Variants in SRP68 observed in about 807,000 individuals in gnomAD.
SRP68 encodes signal recognition particle 68.
In SRP68, 15 loss-of-function variants were observed where a neutral mutation model predicts 82.2. The ratio of observed to expected loss-of-function variants is 0.18; its 90% CI spans 0.12 to 0.28. The LOEUF (loss-of-function observed/expected upper bound fraction) is 0.28. Ranked by LOEUF, SRP68 falls within the 10% of genes least tolerant of loss-of-function variation. SRP68 has a pLI of 1.00. For synonymous variants in SRP68, 261 were observed against 292.6 expected (o/e 0.89, Z 1.10); for missense variants, 595 against 780.5 (o/e 0.76, Z 2.83).
intron 9 of SRP68, chr17:76,049,166 A>G (rs2066653453): frequency 6.6e-6 from 1 of 152,234 alleles, no homozygotes; most frequent in Non-Finnish European, 1.5e-5. Flanking sequence ...TTTAATTACC[A>G]CTGAACCATA....
At position 76,040,955 on chromosome 17, in the gene SRP68, G is replaced by C; in HGVS notation, c.1548C>G (p.Leu516=). Residue 516 remains leucine (L), a synonymous_variant, in exon 14 of 16, where the codon CTC becomes CTG. Coordinates refer to ENST00000307877, the MANE Select transcript of SRP68 (RefSeq NM_014230.4). Reference sequence around the variant, plus strand: ...ACTTCTCTGACCGCACTTGAGTGATGAGCTCTTGCACATCAGGCAGGTCCT... The same window carrying C: ...ACTTCTCTGACCGCACTTGAGTGATCAGCTCTTGCACATCAGGCAGGTCCT... ...SLKDLPDVQE[L]ITQVRSEKCS... 6.2e-7 allele frequency: 1 copy of C among 1,614,070 alleles called. No homozygotes were observed. The highest frequency in any genetic ancestry group is 1.7e-5 in the Admixed American group (1 of 60,016).
intron 1 of SRP68, among the ~76,000 whole-genome samples, chr17:76,070,750 G>A (rs776396432): frequency 2.3e-4 from 35 of 152,034 alleles, no homozygotes; most frequent in Admixed American, 2.3e-3. Context: ...GCTGAGGCAG[G>A]AGAATCGCTT....
At chr17:76,070,022 A>G (rs1456946000) in intron 2 of SRP68, among the ~76,000 whole-genome samples, 20 of 152,024 alleles carry the variant, frequency 1.3e-4, no homozygotes, top group Admixed American at 1.3e-3. Flanking sequence ...GGCTGCAGTG[A>G]GCCAGGATTG....
At chr17:76,047,729 C>A (rs1644595117) in intron 10 of SRP68, among the ~76,000 whole-genome samples, 177 bp downstream of exon 10, 1 of 150,638 alleles carries the variant, frequency 6.6e-6, no homozygotes, top group African/African-American at 2.5e-5. Flanking sequence ...ATTGAGGCTG[C>A]AGTGAGCTGA....
Position 76,061,188 on chromosome 17 carries a change from T to A in SRP68, c.676A>T (p.Thr226Ser). Residue 226 changes from threonine to serine, a missense_variant, in exon 6 of 16, where the codon ACA becomes TCA. Transcript: ENST00000307877. ...TTATACAGCACAGCCTGCTCCTCTG[T>A]GAAAGCACTGGCTAGCTTCTCATAG... ...TIYEKLASAFTEEQAVLYNQR... is the reference protein window; with the variant it reads ...TIYEKLASAFSEEQAVLYNQR... 6.2e-7 allele frequency: 1 copy of A among 1,613,856 alleles called. No homozygotes were observed. The highest frequency in any genetic ancestry group is 1.7e-4 in the Middle Eastern group (1 of 6,058).
chr17:76,050,371 C>T, intron 9 of SRP68, 57 bp downstream of exon 9: 1 of 1,267,784 alleles, frequency 7.9e-7, no homozygotes, highest in Non-Finnish European at 1.2e-6. Flanking sequence ...GAGAAGGGGA[C>T]ACAGGCTGAC....
intron 2 of SRP68, among the ~76,000 whole-genome samples, chr17:76,068,350 G>A (rs1196001838): frequency 1.3e-5 from 2 of 151,498 alleles, no homozygotes; most frequent in Non-Finnish European, 2.9e-5. Context: ...CTAGCTACTC[G>A]GGAGGCTGAG....
At chr17:76,041,887 G>A (rs2066593216) in intron 13 of SRP68, among the ~76,000 whole-genome samples, 1 of 151,838 alleles carries the variant, frequency 6.6e-6, no homozygotes, top group East Asian at 1.9e-4. Context: ...AGGAACCTTT[G>A]CTTGCTTTTT....
Position 76,063,976 on chromosome 17 carries a change from C to T in SRP68, c.561G>A (p.Gln187=). ...ACAAGCTGAATGTTGAGGTACTAAC[C>T]TGAGCCTCTAATTTGGTCTTGGCAT... is the stretch of plus-strand genomic sequence containing the variant. ...RVDAKTKLEA[Q]AYTAYLSGML... Residue 187 remains glutamine (Q), a splice_region_variant and synonymous_variant, in exon 4 of 16, where the codon CAG becomes CAA. Coordinates refer to ENST00000307877, the MANE Select transcript of SRP68 (RefSeq NM_014230.4). The T allele has an allele frequency of 6.2e-7, 1 of 1,613,024 alleles. No individual in the cohort carries two copies. The highest frequency in any genetic ancestry group is 8.5e-7 in the Non-Finnish European group (1 of 1,179,176).
At chr17:76,047,819 AT>A in intron 10 of SRP68, 86 bp downstream of exon 10, 1 of 661,618 alleles carries the variant, frequency 1.5e-6, no homozygotes, top group Non-Finnish European at 2.2e-6. Context: ...GAAATTATAA[AT>A]GTAAATATAC....
chr17:76,063,273 A>G (rs908083601), intron 4 of SRP68, among the ~76,000 whole-genome samples: 2 of 152,220 alleles, frequency 1.3e-5, no homozygotes, highest in African/African-American at 2.4e-5. Flanking sequence ...AAACCTTGCA[A>G]TATCTACCAT....
chr17:76,060,081 G>A (rs1486563281), intron 7 of SRP68, among the ~76,000 whole-genome samples: 2 of 128,220 alleles, frequency 1.6e-5, no homozygotes, highest in Admixed American at 9.7e-5. Context: ...AGCCGAGATC[G>A]TGCCACCGCA....
At chr17:76,062,459 C>A (rs1410400735) in intron 4 of SRP68, among the ~76,000 whole-genome samples, 1 of 123,186 alleles carries the variant, frequency 8.1e-6, no homozygotes, top group Non-Finnish European at 1.6e-5. Context: ...AAAAAACAAA[C>A]AAAAAACCCA....
chr17:76,072,265 G>T lies in SRP68; in HGVS notation c.184+43C>A. On this transcript the variant is annotated intron_variant, in intron 1 of 15. Transcript: ENST00000307877. The surrounding 1 kb of genome is among the most constrained non-coding windows in gnomAD (Gnocchi z 4.5). ...TCTCCCGCCCCCAGCCCTCCAGTTC[G>T]ACACGTAATCATTGCGAGTTAGGCC... The T allele has an allele frequency of 3.1e-6, 5 of 1,603,292 alleles. No homozygotes were observed. The South Asian group carries it at 3.3e-5, about 11-fold the overall frequency.
intron 8 of SRP68, among the ~76,000 whole-genome samples, chr17:76,055,202 G>C (rs1268561195): frequency 6.6e-6 from 1 of 151,896 alleles, no homozygotes; most frequent in Non-Finnish European, 1.5e-5. Flanking sequence ...CCTGATCTCA[G>C]GTAATCCGCC....
intron 6 of SRP68, chr17:76,060,886 T>A: frequency 1.9e-6 from 1 of 519,128 alleles, no homozygotes; most frequent in Non-Finnish European, 3.4e-6. Context: ...TCTTCGGGGG[T>A]ACACAGCACA....
intron 8 of SRP68, chr17:76,053,535 C>T: frequency 1.0e-6 from 1 of 985,424 alleles, no homozygotes; most frequent in Non-Finnish European, 1.2e-6. Flanking sequence ...ACCTCTGCTC[C>T]CTTTAACTAA....
intron 2 of SRP68, 69 bp from the exon 3 acceptor site, chr17:76,067,399 A>G: frequency 9.0e-7 from 1 of 1,115,416 alleles, no homozygotes; most frequent in African/African-American, 1.6e-5. Context: ...ATTCTGCAAT[A>G]AGGCAAGGTC....
intron 2 of SRP68, among the ~76,000 whole-genome samples, chr17:76,069,369 C>T (rs929221160): frequency 6.6e-6 from 1 of 151,154 alleles, no homozygotes; most frequent in Non-Finnish European, 1.5e-5. Context: ...GACTGGGTGA[C>T]AGACAAAGAC....
Sources: allele counts gnomAD v4.1 joint callset (sites outside exome capture counted in the v4.1 genomes callset), GRCh38; gene constraint gnomAD v4.1.1; non-coding constraint Gnocchi (gnomAD v3.1); transcripts MANE v1.5; gene names NCBI Gene and HGNC (gene_info 2026-07-23, HGNC 2026-07-21).